Variants in ZNF263 observed in about 807,000 individuals in gnomAD.
ZNF263 encodes the protein zinc finger protein 263.
In ZNF263, 49 loss-of-function variants were observed where a neutral mutation model predicts 63.1. The ratio of observed to expected loss-of-function variants is 0.78; its 90% confidence interval spans 0.62 to 0.99. The LOEUF (loss-of-function observed/expected upper bound fraction) is 0.99. Ranked by LOEUF, ZNF263 falls within the 50% of genes least tolerant of loss-of-function variation. The pLI is 0.00. For missense variants in ZNF263, 872 were observed against 854.8 expected (o/e 1.02, Z -0.25); for synonymous variants, 352 against 324.2 (o/e 1.09, Z -0.92).
chr16:3,285,602 A>C, intron 2 of ZNF263, 79 bp from the exon 3 acceptor site: 1 of 1,422,318 alleles, frequency 7.0e-7, no homozygotes, highest in Non-Finnish European at 9.9e-7. Context: ...GTGTTGGGGA[A>C]TGGATACTGT....
chr16:3,283,772 A>G lies in ZNF263; in HGVS notation c.-47A>G, dbSNP rs780638503. The G allele has an allele frequency of 6.7e-7, 1 of 1,496,868 alleles. No individual in the cohort carries two copies. The highest frequency in any genetic ancestry group is 2.3e-5 in the East Asian group (1 of 42,958). The allele number at this position is 1,496,868 out of a possible 1,614,324, so 92.7% of individuals were successfully genotyped here. On this transcript the variant is annotated 5_prime_UTR_variant, in exon 1 of 6. Coordinates refer to ENST00000219069, the MANE Select transcript of ZNF263 (RefSeq NM_005741.5). ...TTACATGGGTTCAGGGCGCCTTCGT[A>G]GGCGGGCACGGCTGGTTTCGGGCTA... is the stretch of plus-strand genomic sequence containing the variant.
In ZNF263 at chr16:3,284,086, C is replaced by T; in HGVS notation, c.268C>T (p.Leu90=). Residue 90 remains leucine (L), a synonymous_variant, in exon 1 of 6, where the codon CTG becomes TTG. Coordinates refer to ENST00000219069, the MANE Select transcript of ZNF263 (RefSeq NM_005741.5). ...ILELLVLEQF[L]TILPQEIQSR... ...GGAGCTGCTGGTGTTAGAGCAGTTC[C>T]TGACCATCCTGCCCCAGGAGATCCA... 6.2e-7 allele frequency: 1 copy of T among 1,613,472 alleles called. No individual in the cohort carries two copies. Among genetic ancestry groups the T allele is most frequent in the Non-Finnish European group, 8.5e-7 (1 of 1,179,622 alleles).
Position 3,289,471 on chromosome 16 carries a change from A to T in ZNF263, c.965A>T (p.Asp322Val). 6.5e-7 allele frequency: 1 copy of T among 1,539,338 alleles called. No individual in the cohort carries two copies. Among genetic ancestry groups the T allele is most frequent in the Middle Eastern group, 1.8e-4 (1 of 5,670 alleles). The change falls in exon 6 of 6, where the codon GAC becomes GTC. Residue 322 changes from aspartate to valine, a missense_variant. Coordinates refer to ENST00000219069, the MANE Select transcript of ZNF263 (RefSeq NM_005741.5). ...ENIHPQVLLPDQARGEVPWSP... is the reference protein window; with the variant it reads ...ENIHPQVLLPVQARGEVPWSP... ...ATCCACCCTCAGGTGCTGCTTCCTG[A>T]CCAGGCCCGAGGGGAGGTGCCCTGG...
At position 3,290,834 on chromosome 16, in the gene ZNF263, T is replaced by G. The variant is rs1342450595; in HGVS notation, c.*276T>G. ...CCCCAGGGTGCTCCTACCCTCTTGG[T>G]CTTTTTAAAGCCAAGGTGCGATTTG... On this transcript the variant is annotated 3_prime_UTR_variant, in exon 6 of 6. Coordinates refer to ENST00000219069, the MANE Select transcript of ZNF263 (RefSeq NM_005741.5). The G allele has an allele frequency of 1.7e-6, 2 of 1,183,236 alleles. No homozygotes were observed. Among genetic ancestry groups the G allele is most frequent in the Non-Finnish European group, 2.1e-6 (2 of 953,672 alleles). The allele number at this position is 1,183,236 out of a possible 1,614,324, so 73.3% of individuals were successfully genotyped here.
chr16:3,301,172 A>G (rs1219771172), exon 3 of ZNF263: 1 of 167,620 alleles, frequency 6.0e-6, no homozygotes, highest in African/African-American at 2.4e-5. Flanking sequence ...CCTCACTGCC[A>G]GAAAAGAGAA....
chr16:3,286,244 T>A (rs1959353362), intron 4 of ZNF263, 95 bp downstream of exon 4: 8 of 1,483,678 alleles, frequency 5.4e-6, no homozygotes, highest in Non-Finnish European at 7.1e-6. Context: ...CTCTGAGTTT[T>A]GCCAAGAAGC....
At chr16:3,285,308 A>T in intron 2 of ZNF263, 69 bp downstream of exon 2, 2 of 1,475,784 alleles carry the variant, frequency 1.4e-6, no homozygotes, top group East Asian at 2.4e-5. Context: ...CACTAGCTGG[A>T]TGTAGCAATG....
downstream of ZNF263, among the ~76,000 whole-genome samples, chr16:3,294,456 G>T (rs1224371863): frequency 6.6e-6 from 1 of 152,178 alleles, no homozygotes; most frequent in Non-Finnish European, 1.5e-5. Context: ...GGAATAGCTA[G>T]ATGAATTCAA....
chr16:3,286,672 G>T (rs1193727230), intron 4 of ZNF263: 1 of 152,710 alleles, frequency 6.5e-6, no homozygotes, highest in African/African-American at 2.4e-5. Context: ...TGGAAACAAT[G>T]TATAGCTCCA....
Position 3,283,751 on chromosome 16 carries a change from A to T in ZNF263, c.-68A>T. 9.6e-6 allele frequency: 14 copies of T among 1,464,068 alleles called. No individual in the cohort carries two copies. Among genetic ancestry groups the T allele is most frequent in the Non-Finnish European group, 1.3e-5 (14 of 1,112,788 alleles). The allele number at this position is 1,464,068 out of a possible 1,614,324, so 90.7% of individuals were successfully genotyped here. A position where few individuals can be genotyped will look rare whatever the true frequency, so the allele number is the denominator to read the frequency against. ...TCCTGCTGGCGCCGTCCAACCTTAC[A>T]TGGGTTCAGGGCGCCTTCGTAGGCG... On this transcript the variant is annotated 5_prime_UTR_variant, in exon 1 of 6. An upstream start codon of the reference 5' UTR is lost. Coordinates refer to ENST00000219069, the MANE Select transcript of ZNF263 (RefSeq NM_005741.5).
At chr16:3,289,185 A>G (rs1411515884) in intron 5 of ZNF263, among the ~76,000 whole-genome samples, 3 of 151,978 alleles carry the variant, frequency 2.0e-5, no homozygotes, top group African/African-American at 7.3e-5. Context: ...AAATTCTAAG[A>G]CTGGTCTCGG....
chr16:3,297,676 A>G (rs189962411), intron 1 of ZNF263, among the ~76,000 whole-genome samples: 42 of 151,622 alleles, frequency 2.8e-4, no homozygotes, highest in African/African-American at 9.7e-4. Context: ...ATGTTAGCCA[A>G]GATGGTCTCG....
chr16:3,300,061 T>C, intron 2 of ZNF263: 1 of 1,614,210 alleles, frequency 6.2e-7, no homozygotes, highest in Non-Finnish European at 8.5e-7. Context: ...TGGCATTGAC[T>C]TCCAAAAGAG....
chr16:3,289,216 G>A (rs1057395607), intron 5 of ZNF263, among the ~76,000 whole-genome samples, 177 bp from the exon 6 acceptor site: 3 of 152,162 alleles, frequency 2.0e-5, no homozygotes, highest in Non-Finnish European at 2.9e-5. Flanking sequence ...TTGACCAGTG[G>A]CCCGACCCTT....
chr16:3,289,867 G>A lies in ZNF263; in HGVS notation c.1361G>A (p.Arg454His), dbSNP rs1421068204. The A allele has an allele frequency of 5.0e-6, 8 of 1,614,180 alleles. No homozygotes were observed. Among genetic ancestry groups the A allele is most frequent in the Non-Finnish European group, 6.8e-6 (8 of 1,180,036 alleles). ...SQNTHLTRHQ[R>H]THTGEKPYQC... is the part of the protein sequence containing the mutation. ...AACACCCATCTGACTCGCCACCAAC[G>A]CACCCACACGGGTGAGAAGCCCTAT... The change falls in exon 6 of 6, where the codon CGC becomes CAC. Residue 454 changes from arginine to histidine, a missense_variant. Physicochemically the swap from Arg to His is conservative, Grantham distance 29. Coordinates refer to ENST00000219069, the MANE Select transcript of ZNF263 (RefSeq NM_005741.5).
At chr16:3,300,467 T>G in intron 2 of ZNF263, 1 of 1,613,522 alleles carries the variant, frequency 6.2e-7, no homozygotes, top group Non-Finnish European at 8.5e-7. Flanking sequence ...AGAATTAACT[T>G]CTTATTTTTT....
downstream of ZNF263, among the ~76,000 whole-genome samples, chr16:3,292,400 G>A (rs2150775422): frequency 6.6e-6 from 1 of 152,248 alleles, no homozygotes; most frequent in East Asian, 1.9e-4. Flanking sequence ...CTTGTTCACA[G>A]GAGGAGGGCA....
chr16:3,294,213 C>T (rs1324473398), downstream of ZNF263, among the ~76,000 whole-genome samples: 1 of 152,232 alleles, frequency 6.6e-6, no homozygotes, highest in Non-Finnish European at 1.5e-5. Flanking sequence ...GCGTGAGCCA[C>T]CGCGCCCCGC....
downstream of ZNF263, among the ~76,000 whole-genome samples, chr16:3,294,389 A>T (rs912309853): frequency 1.3e-5 from 2 of 152,216 alleles, no homozygotes; most frequent in Non-Finnish European, 2.9e-5. Flanking sequence ...GTTACAGGAA[A>T]ACCAACTAGC....
Sources: allele counts gnomAD v4.1 joint callset (sites outside exome capture counted in the v4.1 genomes callset), GRCh38; gene constraint gnomAD v4.1.1; transcripts MANE v1.5; gene names NCBI Gene and HGNC (gene_info 2026-07-23, HGNC 2026-07-21).